The following USH2A variants were observed in gnomAD, a reference collection of about 807,000 sequenced individuals.
The protein encoded by USH2A is usherin.
Under a neutral mutation model 538.9 loss-of-function variants are expected in USH2A, and 443 were observed. That is an observed-to-expected ratio of 0.82 (90% CI 0.76 to 0.89). The LOEUF (loss-of-function observed/expected upper bound fraction) is 0.89, where lower values mean the gene tolerates loss of function less well. Among genes scored for constraint, USH2A ranks in the 40% least tolerant of loss-of-function variants. The probability of loss-of-function intolerance (pLI) is 0.00; values close to 1 mark genes in which losing one functional copy is unlikely to be tolerated. For missense variants in USH2A, 6,633 were observed against 6,324.8 expected, an observed-to-expected ratio of 1.05 and a Z score of -1.65; for synonymous variants, 2,413 against 2,273.5, an observed-to-expected ratio of 1.06 and a Z score of -1.75.
intron 4 of USH2A, among the ~76,000 whole-genome samples, chr1:216,341,715 TGACAAG>T (rs1347040502): frequency 6.6e-6 from 1 of 152,058 alleles, no homozygotes; most frequent in African/African-American, 2.4e-5. Context: ...ATCTGATCTT[TGACAAG>T]CTGTACAAAA....
At chr1:216,233,205 G>T (rs1039728533) in intron 13 of USH2A, among the ~76,000 whole-genome samples, 1 of 151,924 alleles carries the variant, frequency 6.6e-6, no homozygotes, top group African/African-American at 2.4e-5. Context: ...TTAGCTCATG[G>T]CTCATCCCCC....
intron 9 of USH2A, among the ~76,000 whole-genome samples, chr1:216,296,299 C>A (rs1490074824): frequency 6.6e-6 from 1 of 151,930 alleles, no homozygotes; most frequent in African/African-American, 2.4e-5. Context: ...CTGTAATATT[C>A]TTTTTGGAGT....
At chr1:216,069,161 T>C (rs947861965) in intron 30 of USH2A, among the ~76,000 whole-genome samples, 1 of 152,172 alleles carries the variant, frequency 6.6e-6, no homozygotes, top group African/African-American at 2.4e-5. Context: ...AGCTGCCATA[T>C]GCAACCTGTG....
chr1:215,888,937 T>C lies in USH2A; in HGVS notation c.7712A>G (p.His2571Arg). The C allele has an allele frequency of 1.2e-6, 2 of 1,614,158 alleles. No homozygotes were observed. Among genetic ancestry groups the C allele is most frequent in the Non-Finnish European group, 1.7e-6 (2 of 1,180,016 alleles). ...AGGAGTTCTCAAGTATAGACGGCCA[T>C]GTAGATAAATGTTATAATGGGTAAT... ...GVITHYNIYL[H>R]GRLYLRTPGN... is the part of the protein sequence containing the mutation. Residue 2571 changes from histidine (H) to arginine (R), a missense_variant, in exon 41 of 72, where the codon CAT becomes CGT. By Grantham distance (29) the His-to-Arg change is conservative. Coordinates refer to ENST00000307340, the MANE Select transcript of USH2A (RefSeq NM_206933.4).
chr1:216,101,020 T>C (rs1241727441), intron 21 of USH2A, among the ~76,000 whole-genome samples: 1 of 152,200 alleles, frequency 6.6e-6, no homozygotes, highest in Non-Finnish European at 1.5e-5. Context: ...ATGTGAGACT[T>C]TCCCACAGCA....
chr1:215,965,415 C>T lies in USH2A; in HGVS notation c.7022G>A (p.Gly2341Glu). ...CCACCTCACGTGGGCTTTCCGGGAT[C>T]CCTGTGTTTTGACAAACACATTTAC... is the stretch of plus-strand genomic sequence containing the variant. ...GTVNVFVKTQ[G>E]SRKAHVRWEA... Residue 2341 changes from glycine (G) to glutamate (E), a missense_variant, in exon 37 of 72, where the codon GGA becomes GAA. Gly to Glu is a moderately conservative substitution (Grantham distance 98). Coordinates refer to ENST00000307340, the MANE Select transcript of USH2A (RefSeq NM_206933.4). 6.2e-7 allele frequency: 1 copy of T among 1,613,854 alleles called. No individual in the cohort carries two copies.
chr1:215,901,077 G>C, intron 38 of USH2A, 172 bp from the exon 39 acceptor site: 5 of 807,630 alleles, frequency 6.2e-6, no homozygotes, highest in Non-Finnish European at 1.0e-5. Flanking sequence ...CTTCCTTATT[G>C]TTCATTTCAA....
chr1:215,737,272 AGTGTTACTTC>A (rs1660181258), intron 60 of USH2A, among the ~76,000 whole-genome samples: 3 of 152,014 alleles, frequency 2.0e-5, no homozygotes, highest in African/African-American at 7.2e-5. Context: ...TAAAATTAAT[AGTGTTACTTC>A]TATTAGTGAA....
intron 30 of USH2A, among the ~76,000 whole-genome samples, chr1:216,054,702 G>C (rs1043253107): frequency 7.2e-6 from 1 of 138,664 alleles, no homozygotes; most frequent in Non-Finnish European, 1.5e-5. Flanking sequence ...GTGTTTGGCC[G>C]GCATCCACTG....
chr1:215,840,501 T>C (rs1043654348), intron 46 of USH2A, among the ~76,000 whole-genome samples: 43 of 152,194 alleles, frequency 2.8e-4, no homozygotes, highest in African/African-American at 9.4e-4. Flanking sequence ...TCTACTTTGA[T>C]CTTTTGTATT....
intron 22 of USH2A, among the ~76,000 whole-genome samples, chr1:216,095,698 T>C (rs1213624515): frequency 1.3e-5 from 2 of 152,282 alleles, no homozygotes; most frequent in East Asian, 1.9e-4. Flanking sequence ...GAGTGGCCAC[T>C]GTGCGGCTCT....
At chr1:216,187,601 T>C (rs1431862746) in intron 20 of USH2A, among the ~76,000 whole-genome samples, 1 of 151,920 alleles carries the variant, frequency 6.6e-6, no homozygotes, top group Non-Finnish European at 1.5e-5. Context: ...TTATATTTTA[T>C]AATAATGTTA....
intron 21 of USH2A, among the ~76,000 whole-genome samples, chr1:216,138,940 G>A (rs915436111): frequency 6.6e-5 from 10 of 151,354 alleles, no homozygotes; most frequent in Admixed American, 2.0e-4. Context: ...GTGTGTGTGT[G>A]TGTATATATA....
chr1:216,000,727 C>T (rs2102483518), intron 32 of USH2A, among the ~76,000 whole-genome samples, 165 bp from the exon 33 acceptor site: 1 of 152,154 alleles, frequency 6.6e-6, no homozygotes, highest in South Asian at 2.1e-4. Context: ...ATGCTTCATC[C>T]CTTAAATATA....
chr1:215,779,871 G>T lies in USH2A; in HGVS notation c.10911C>A (p.Thr3637=), dbSNP rs1229008562. Residue 3637 remains threonine, a synonymous_variant, in exon 55 of 72, where the codon ACC becomes ACA. Transcript: ENST00000307340. The part of the protein sequence containing the change: ...QVGKGLIHTD[T]TDRRQHTVTG... ...TGACCGTATGCTGTCTCCTGTCAGT[G>T]GTGTCAGTGTGGATGAGACCTTTCC... is the stretch of plus-strand genomic sequence containing the variant. 3 of 1,613,832 alleles carry T rather than the reference G, an allele frequency of 1.9e-6. No homozygotes were observed. Among genetic ancestry groups the T allele is most frequent in the Non-Finnish European group, 1.7e-6 (2 of 1,180,016 alleles).
At chr1:215,802,233 G>A (rs1398387305) in intron 49 of USH2A, among the ~76,000 whole-genome samples, 2 of 151,898 alleles carry the variant, frequency 1.3e-5, no homozygotes, top group Non-Finnish European at 2.9e-5. Flanking sequence ...CTATGACACT[G>A]AAAGCAGAAG....
chr1:215,856,922 T>C (rs1217766087), intron 44 of USH2A, among the ~76,000 whole-genome samples: 2 of 151,502 alleles, frequency 1.3e-5, no homozygotes, highest in Admixed American at 1.3e-4. Context: ...TGCAGAAACC[T>C]TGATGGAACT....
intron 9 of USH2A, among the ~76,000 whole-genome samples, chr1:216,315,101 T>A (rs1384442645): frequency 1.3e-5 from 2 of 152,162 alleles, no homozygotes; most frequent in Non-Finnish European, 2.9e-5. Context: ...AAGAAAGTAC[T>A]AGATAAGAAA....
intron 3 of USH2A, among the ~76,000 whole-genome samples, chr1:216,384,331 A>G (rs772051234): frequency 7.2e-5 from 11 of 152,178 alleles, no homozygotes; most frequent in Non-Finnish European, 1.3e-4. Context: ...CAAAAAATAC[A>G]TGTGGCTGGC....
Sources: gnomAD v4.1 joint callset for allele counts (sites outside exome capture counted in the v4.1 genomes callset) on GRCh38, gnomAD v4.1.1 for gene constraint, MANE v1.5 for transcripts, NCBI Gene and HGNC (gene_info 2026-07-23, HGNC 2026-07-21) for gene names.